The following DPYSL3 variants were observed in gnomAD, a reference collection of about 807,000 sequenced individuals.
The protein encoded by DPYSL3 is dihydropyrimidinase like 3.
DPYSL3 carries 16 observed loss-of-function variants against 66.1 expected under a neutral mutation model. That is an observed-to-expected ratio of 0.24 (90% CI 0.16 to 0.37). The LOEUF is 0.37. Among genes scored for constraint, DPYSL3 ranks in the 10% least tolerant of loss-of-function variants. DPYSL3 has a pLI of 1.00. For synonymous variants in DPYSL3, 338 were observed against 345.1 expected (o/e 0.98, Z 0.23); for missense variants, 738 against 916.2 (o/e 0.81, Z 2.51).
chr5:147,508,843 T>C (rs978538362), intron 1 of DPYSL3, among the ~76,000 whole-genome samples: 8 of 152,210 alleles, frequency 5.3e-5, no homozygotes, highest in South Asian at 2.1e-4. Context: ...CCAAGCTATG[T>C]ACACAAATAC....
chr5:147,414,359 C>G (rs1751919054), intron 4 of DPYSL3, among the ~76,000 whole-genome samples: 1 of 152,128 alleles, frequency 6.6e-6, no homozygotes, highest in Non-Finnish European at 1.5e-5. Context: ...ATGTAAAGAT[C>G]TATTTAGATC....
At chr5:147,491,686 C>T (rs1423386793) in intron 1 of DPYSL3, among the ~76,000 whole-genome samples, 4 of 151,248 alleles carry the variant, frequency 2.6e-5, no homozygotes, top group African/African-American at 9.7e-5. Context: ...TTAGACAGAG[C>T]TGAGAAAATA....
chr5:147,509,781 C>T lies in DPYSL3; in HGVS notation c.78G>A (p.Thr26=). ...CGTATTTCTGCCGCGGGACCTGGTC[C>T]GTGGTGCCCGGCCTGGCCAGGTACA... The part of the protein sequence containing the change: ...LPVYLARPGT[T]DQVPRQKYGG... The change falls in exon 1 of 14, where the codon ACG becomes ACA. Residue 26 remains threonine, a synonymous_variant. Transcript: ENST00000343218. This position sits in a 1 kb window ranked among gnomAD's most constrained non-coding sequence, Gnocchi z 5.3. 6.5e-7 allele frequency: 1 copy of T among 1,535,990 alleles called. No individual in the cohort carries two copies. Among genetic ancestry groups the T allele is most frequent in the East Asian group, 2.4e-5 (1 of 40,896 alleles).
intron 1 of DPYSL3, among the ~76,000 whole-genome samples, chr5:147,449,503 C>G (rs955380626): frequency 2.0e-5 from 3 of 152,230 alleles, no homozygotes; most frequent in Admixed American, 2.0e-4. Context: ...TATAATTTGT[C>G]TCCTAGAGGG....
At position 147,458,517 on chromosome 5, in the gene DPYSL3, A is replaced by T. The variant is rs1471087984; in HGVS notation, c.382-33554T>A. On this transcript the variant is annotated intron_variant, in intron 1 of 13. Transcript: ENST00000343218. ...GGAGCAGCCATTCTTTTGTTCCTTT[A>T]CTTTCTTAATACACTTGCTTTCATT... Among the ~76,000 whole-genome samples the T allele has an allele frequency of 7.2e-5, 11 of 152,288 alleles. No individual in the cohort carries two copies. The South Asian group carries it at 2.3e-3, about 32-fold the overall frequency.
chr5:147,453,750 G>C, intron 1 of DPYSL3: 2 of 1,301,888 alleles, frequency 1.5e-6, no homozygotes, highest in African/African-American at 1.6e-5. Context: ...GGGCTCCCGC[G>C]GCGGCTGCCA....
At position 147,394,106 on chromosome 5, in the gene DPYSL3, C is replaced by T; in HGVS notation, c.1984G>A (p.Gly662Arg). 1 of 1,614,134 alleles carries T rather than the reference C, an allele frequency of 6.2e-7. No homozygotes were observed. The highest frequency in any genetic ancestry group is 2.2e-5 in the East Asian group (1 of 44,856). ...FSLSGTQVDE[G>R]VRSASKRIVA... is the part of the protein sequence containing the mutation. ...ATGCGCTTGCTGGCTGAGCGAACCC[C>T]CTCATCCACTTGGGTGCCTACAGTT... Residue 662 changes from glycine to arginine, a missense_variant, in exon 14 of 14, where the codon GGG becomes AGG. Physicochemically the swap from Gly to Arg is moderately radical, Grantham distance 125. Transcript: ENST00000343218.
At chr5:147,422,966 C>T (rs977273072) in intron 2 of DPYSL3, among the ~76,000 whole-genome samples, 10 of 151,884 alleles carry the variant, frequency 6.6e-5, no homozygotes, top group Non-Finnish European at 1.2e-4. Context: ...CAAACCTGCA[C>T]GTTCTGCACA....
chr5:147,447,763 A>G (rs1392006106), intron 1 of DPYSL3, among the ~76,000 whole-genome samples: 1 of 152,182 alleles, frequency 6.6e-6, no homozygotes, highest in African/African-American at 2.4e-5. Context: ...CCAGCTACTC[A>G]GGAGGCGGAG....
At chr5:147,496,570 C>A (rs1412830279) in intron 1 of DPYSL3, among the ~76,000 whole-genome samples, 1 of 151,906 alleles carries the variant, frequency 6.6e-6, no homozygotes, top group Non-Finnish European at 1.5e-5. Flanking sequence ...ACAAACAACC[C>A]CATCAAAAAG....
chr5:147,501,046 A>G (rs903306102), intron 1 of DPYSL3, among the ~76,000 whole-genome samples: 7 of 152,204 alleles, frequency 4.6e-5, no homozygotes, highest in Non-Finnish European at 8.8e-5. Context: ...TTTATTCATA[A>G]CCAACAAATC....
At chr5:147,404,075 C>T (rs992640422) in intron 8 of DPYSL3, among the ~76,000 whole-genome samples, 9 of 152,076 alleles carry the variant, frequency 5.9e-5, no homozygotes, top group East Asian at 1.9e-4. Flanking sequence ...TGTGTGTGTG[C>T]GGCACTGGGT....
rs970140405 is a variant in DPYSL3, at chr5:147,392,672, G to A, written c.*1363C>T. The A allele has an allele frequency of 1.3e-5, 2 of 152,236 alleles. No homozygotes were observed. Among genetic ancestry groups the A allele is most frequent in the Non-Finnish European group, 2.9e-5 (2 of 68,048 alleles). The allele number at this position is 152,236 out of a possible 1,614,324, so 9.4% of individuals were successfully genotyped here. A position where few individuals can be genotyped will look rare whatever the true frequency, so the allele number is the denominator to read the frequency against. On this transcript the variant is annotated 3_prime_UTR_variant, in exon 14 of 14. Transcript: ENST00000343218. ...ATATTCAACTCTGACAGACAAGGTA[G>A]ATCGAAGCACCCACACTAATTTCTT...
intron 1 of DPYSL3, among the ~76,000 whole-genome samples, chr5:147,478,536 G>A (rs1581212202): frequency 6.6e-6 from 1 of 152,114 alleles, no homozygotes; most frequent in East Asian, 1.9e-4. Context: ...TGTGTAATTT[G>A]GCCTTGACTG....
At chr5:147,493,563 G>T (rs1311282252) in intron 1 of DPYSL3, among the ~76,000 whole-genome samples, 1 of 151,396 alleles carries the variant, frequency 6.6e-6, no homozygotes, top group African/African-American at 2.4e-5. Flanking sequence ...GACAGAGCGA[G>T]ACTCTGTCTA....
intron 1 of DPYSL3, among the ~76,000 whole-genome samples, chr5:147,436,454 G>C (rs1752416132): frequency 6.6e-6 from 1 of 152,184 alleles, no homozygotes; most frequent in Admixed American, 6.5e-5. Context: ...ATTTTTGTGT[G>C]AGCTGATCTG....
In DPYSL3 at chr5:147,399,258, GA is replaced by G; in HGVS notation, c.1453-7del. 6.2e-7 allele frequency: 1 copy of G among 1,613,158 alleles called. No individual in the cohort carries two copies. The highest frequency in any genetic ancestry group is 8.5e-7 in the Non-Finnish European group (1 of 1,179,716). ...TCGTCCATTTTCCCTGTGGCCTATT[GA>G]AATATAAGAAATTATATCTATATCT... On this transcript the variant is annotated splice_region_variant and splice_polypyrimidine_tract_variant and intron_variant, in intron 10 of 13. Transcript: ENST00000343218.
intron 1 of DPYSL3, among the ~76,000 whole-genome samples, chr5:147,426,891 G>C (rs1043901599): frequency 1.3e-5 from 2 of 152,156 alleles, no homozygotes; most frequent in African/African-American, 2.4e-5. Context: ...GATCAATGAA[G>C]TGTTCCAAAA....
At chr5:147,487,109 T>C (rs531883986) in intron 1 of DPYSL3, among the ~76,000 whole-genome samples, 2 of 152,274 alleles carry the variant, frequency 1.3e-5, no homozygotes, top group South Asian at 4.2e-4. Flanking sequence ...CCTCTCCTTT[T>C]TTCTAGCACT....
Sources: gnomAD v4.1 joint callset for allele counts (sites outside exome capture counted in the v4.1 genomes callset) on GRCh38, gnomAD v4.1.1 for gene constraint, Gnocchi (gnomAD v3.1) non-coding constraint, MANE v1.5 for transcripts, NCBI Gene and HGNC (gene_info 2026-07-23, HGNC 2026-07-21) for gene names.